Variants in AIG1 observed in about 807,000 individuals in gnomAD.
AIG1 encodes androgen-induced gene 1 protein.
In AIG1, 23 loss-of-function variants were observed where a neutral mutation model predicts 31.4. The ratio of observed to expected loss-of-function variants is 0.73; its 90% CI spans 0.53 to 1.04. AIG1 has a LOEUF of 1.04. AIG1 is among the 50% of genes least tolerant of loss of function. The pLI is 0.00. For synonymous variants in AIG1, 100 were observed against 110.5 expected (o/e 0.90, Z 0.60); for missense variants, 274 against 295.0 (o/e 0.93, Z 0.52).
At chr6:143,267,948 AT>A (rs765875499) in intron 3 of AIG1, among the ~76,000 whole-genome samples, 10 of 152,194 alleles carry the variant, frequency 6.6e-5, no homozygotes, top group Admixed American at 2.0e-4. Flanking sequence ...AGCTTTAAAA[AT>A]GTGCCTCTAC....
At chr6:143,324,482 T>C (rs993108771) in intron 4 of AIG1, among the ~76,000 whole-genome samples, 1 of 152,160 alleles carries the variant, frequency 6.6e-6, no homozygotes, top group Admixed American at 6.6e-5. Context: ...AGAAAAGCTT[T>C]CCAGAGCCCT....
In AIG1 at chr6:143,339,802, G is replaced by A. The variant is rs1777777938; in HGVS notation, c.*126G>A. 2 of 819,404 alleles carry A rather than the reference G, an allele frequency of 2.4e-6. No homozygotes were observed. Among genetic ancestry groups the A allele is most frequent in the South Asian group, 1.7e-5 (1 of 57,250 alleles). 50.8% of individuals were successfully genotyped at this position (819,404 alleles called of 1,614,324 possible). On this transcript the variant is annotated 3_prime_UTR_variant, in exon 6 of 6. Transcript: ENST00000357847. Reference sequence around the variant, plus strand: ...GGCATCAGCACCCCCCTCCCCCAATGAGGACACCTTTTATATATAAATATG... The same window carrying A: ...GGCATCAGCACCCCCCTCCCCCAATAAGGACACCTTTTATATATAAATATG...
At chr6:143,100,834 A>G (rs996214419) in intron 1 of AIG1, among the ~76,000 whole-genome samples, 5 of 151,886 alleles carry the variant, frequency 3.3e-5, no homozygotes, top group African/African-American at 1.2e-4. Flanking sequence ...ACAGCCACTC[A>G]CCACTACACC....
rs749578849 is a variant in AIG1 at position 143,268,031 on chromosome 6, G to A, written c.400-16079G>A. On this transcript the variant is annotated intron_variant, in intron 3 of 5. Coordinates refer to ENST00000357847, the MANE Select transcript of AIG1 (RefSeq NM_016108.4). This position sits in a 1 kb window ranked among gnomAD's most constrained non-coding sequence, Gnocchi z 5.0. Reference sequence around the variant, plus strand: ...TTTGGCTGAACTCTGTGAGCACAATGTTGTAATACTGTTGATCTCATGCTG... The same window carrying A: ...TTTGGCTGAACTCTGTGAGCACAATATTGTAATACTGTTGATCTCATGCTG... Among the ~76,000 whole-genome samples, 54 of 152,202 alleles carry A rather than the reference G, an allele frequency of 3.5e-4. No homozygotes were observed. The highest frequency in any genetic ancestry group is 1.9e-4 in the Non-Finnish European group (13 of 68,040).
At chr6:143,217,545 G>T (rs1190843050) in intron 3 of AIG1, among the ~76,000 whole-genome samples, 1 of 152,002 alleles carries the variant, frequency 6.6e-6, no homozygotes, top group Non-Finnish European at 1.5e-5. Flanking sequence ...GTCTCGCTCT[G>T]TCGCCCAGGC....
chr6:143,337,945 A>G (rs1404914322), intron 5 of AIG1: 3 of 398,652 alleles, frequency 7.5e-6, no homozygotes, highest in Non-Finnish European at 1.3e-5. Flanking sequence ...AACATTATTT[A>G]CAGCTGTCTA....
At chr6:143,314,906 C>T (rs990282046) in intron 4 of AIG1, among the ~76,000 whole-genome samples, 1 of 152,082 alleles carries the variant, frequency 6.6e-6, no homozygotes, top group African/African-American at 2.4e-5. Flanking sequence ...CTAAACAAAA[C>T]TAACATCAGA....
intron 2 of AIG1, among the ~76,000 whole-genome samples, chr6:143,143,641 C>T (rs1784484448): frequency 6.9e-6 from 1 of 144,780 alleles, no homozygotes; most frequent in South Asian, 2.3e-4. Context: ...TTTCTTTAAG[C>T]CTTAACTGAT....
chr6:143,307,614 G>C (rs1477833784), intron 4 of AIG1, among the ~76,000 whole-genome samples: 2 of 152,112 alleles, frequency 1.3e-5, no homozygotes, highest in African/African-American at 4.8e-5. Context: ...CCCCTACTGG[G>C]GGGTGCCTCC....
intron 1 of AIG1, among the ~76,000 whole-genome samples, chr6:143,080,609 G>C (rs1458710543): frequency 6.6e-6 from 1 of 152,002 alleles, no homozygotes; most frequent in Non-Finnish European, 1.5e-5. Flanking sequence ...GAGTGAAAGG[G>C]GGTAAGAGAA....
chr6:143,266,887 A>G (rs9399432), intron 3 of AIG1, among the ~76,000 whole-genome samples: 1,647 of 152,308 alleles, frequency 0.011, 46 homozygotes, highest in East Asian at 0.065. Context: ...GCTGCTGTGA[A>G]CTATGATCAC....
rs370615634 is a variant in AIG1, at chr6:143,148,081, A to G, written c.297+11091A>G. 2.6e-5 allele frequency among the ~76,000 whole-genome samples: 4 copies of G among 152,206 alleles called. No homozygotes were observed. The East Asian group carries it at 5.8e-4, about 22-fold the overall frequency. On this transcript the variant is annotated intron_variant, in intron 2 of 5. Coordinates refer to ENST00000357847, the MANE Select transcript of AIG1 (RefSeq NM_016108.4). ...AGTAAATGATGCTGGTAAATCAACC[A>G]GGCTTTGAACCCTAACACTCCAACT... is the stretch of plus-strand genomic sequence containing the variant.
intron 1 of AIG1, among the ~76,000 whole-genome samples, chr6:143,112,843 A>G (rs1325810782): frequency 1.3e-5 from 2 of 152,240 alleles, no homozygotes; most frequent in African/African-American, 2.4e-5. Flanking sequence ...GAGATAAAAT[A>G]TTAACAAATA....
intron 1 of AIG1, among the ~76,000 whole-genome samples, chr6:143,132,564 T>C (rs1158378460): frequency 6.6e-6 from 1 of 152,118 alleles, no homozygotes; most frequent in Non-Finnish European, 1.5e-5. Context: ...GTTTTCTTTG[T>C]GTGTACTCCA....
At chr6:143,115,581 C>T (rs931517962) in intron 1 of AIG1, among the ~76,000 whole-genome samples, 1 of 152,184 alleles carries the variant, frequency 6.6e-6, no homozygotes, top group Non-Finnish European at 1.5e-5. Flanking sequence ...TAAACACCAG[C>T]TTGAGGAAGT....
intron 2 of AIG1, among the ~76,000 whole-genome samples, chr6:143,149,451 C>A (rs1453131491): frequency 6.7e-6 from 1 of 148,506 alleles, no homozygotes; most frequent in East Asian, 2.0e-4. Flanking sequence ...GGTGTGAACC[C>A]TGAAGGCGGG....
intron 1 of AIG1, among the ~76,000 whole-genome samples, chr6:143,098,073 C>T (rs2128481233): frequency 6.6e-6 from 1 of 152,296 alleles, no homozygotes; most frequent in South Asian, 2.1e-4. Flanking sequence ...CGAAACAAGA[C>T]AAAATAAAAT....
intron 1 of AIG1, among the ~76,000 whole-genome samples, chr6:143,076,780 T>C (rs923287386): frequency 3.3e-5 from 5 of 151,740 alleles, no homozygotes; most frequent in African/African-American, 4.8e-5. Context: ...CAAGCGATTC[T>C]CCTGCCTCAG....
rs570515188 is a variant in AIG1, at chr6:143,136,691, C to G, written c.142-144C>G. ...TAAAAGCAAGTTGTAAATGTCTGTT[C>G]TCTATTTCTAGGAGCAGCTCTTTAA... On this transcript the variant is annotated intron_variant, in intron 1 of 5. Transcript: ENST00000357847. 175 of 781,300 alleles carry G rather than the reference C, an allele frequency of 2.2e-4. 1 individual carries two copies. The South Asian group carries it at 4.8e-3, about 21-fold the overall frequency. 48.4% of individuals were successfully genotyped at this position (781,300 alleles called of 1,614,324 possible).
Sources: gnomAD v4.1 joint callset for allele counts (sites outside exome capture counted in the v4.1 genomes callset) on GRCh38, gnomAD v4.1.1 for gene constraint, Gnocchi (gnomAD v3.1) non-coding constraint, MANE v1.5 for transcripts, NCBI Gene and HGNC (gene_info 2026-07-23, HGNC 2026-07-21) for gene names.